The following SHISA6 variants were observed in gnomAD, a reference collection of about 807,000 sequenced individuals.
SHISA6 encodes shisa family member 6.
A neutral mutation model predicts 47.9 loss-of-function variants in SHISA6; 22 were observed. That is an observed-to-expected ratio of 0.46 (90% CI 0.33 to 0.66). The LOEUF (loss-of-function observed/expected upper bound fraction) is 0.66, where lower values mean the gene tolerates loss of function less well. Among genes scored for constraint, SHISA6 ranks in the 30% least tolerant of loss-of-function variants. The pLI is 0.02. For synonymous variants in SHISA6, 388 were observed against 337.8 expected (o/e 1.15, Z -1.63); for missense variants, 680 against 764.6 (o/e 0.89, Z 1.30).
chr17:11,459,521 C>T (rs559987386), intron 3 of SHISA6, among the ~76,000 whole-genome samples: 3 of 152,150 alleles, frequency 2.0e-5, no homozygotes, highest in Non-Finnish European at 4.4e-5. Context: ...AGGCACATGG[C>T]ACATGTACAG....
At chr17:11,397,753 CT>C (rs1913623396) in intron 3 of SHISA6, among the ~76,000 whole-genome samples, 1 of 151,116 alleles carries the variant, frequency 6.6e-6, no homozygotes, top group African/African-American at 2.4e-5. Context: ...GTTTAAAAGG[CT>C]TGAGAATTTT....
At chr17:11,447,103 C>T (rs1295511583) in intron 3 of SHISA6, among the ~76,000 whole-genome samples, 1 of 152,114 alleles carries the variant, frequency 6.6e-6, no homozygotes, top group African/African-American at 2.4e-5. Flanking sequence ...TTGCTTTTGC[C>T]TCAATAACAA....
Position 11,515,611 on chromosome 17 carries a change from T to C in SHISA6, c.896-36285T>C, listed in dbSNP as rs143628096. Among the ~76,000 whole-genome samples, 451 of 152,224 alleles carry C rather than the reference T, an allele frequency of 3.0e-3. 3 individuals carry two copies. The highest frequency in any genetic ancestry group is 4.7e-3 in the Non-Finnish European group (318 of 68,000). On this transcript the variant is annotated intron_variant, in intron 3 of 5. Transcript: ENST00000441885. ...TCCTGCGTGATCCTACGAAGAGCTCTGGGGCACAGAGTGTGTAGCAATGTT... is the reference window on the plus strand; with the variant it reads ...TCCTGCGTGATCCTACGAAGAGCTCCGGGGCACAGAGTGTGTAGCAATGTT...
chr17:11,442,590 G>A (rs1470450453), intron 3 of SHISA6, among the ~76,000 whole-genome samples: 3 of 152,218 alleles, frequency 2.0e-5, no homozygotes, highest in Non-Finnish European at 2.9e-5. Flanking sequence ...CTGTTGTGGG[G>A]ATTAAACAAA....
intron 1 of SHISA6, among the ~76,000 whole-genome samples, chr17:11,251,999 G>T (rs775985433): frequency 1.3e-5 from 2 of 152,184 alleles, no homozygotes; most frequent in African/African-American, 2.4e-5. Context: ...GCCTGAGGGT[G>T]TGTGAAAATG....
At chr17:11,297,847 A>G (rs992341388) in intron 2 of SHISA6, among the ~76,000 whole-genome samples, 1 of 152,190 alleles carries the variant, frequency 6.6e-6, no homozygotes, top group Non-Finnish European at 1.5e-5. Context: ...AGAAGGAGCA[A>G]TTAATTCCTT....
intron 3 of SHISA6, among the ~76,000 whole-genome samples, chr17:11,524,437 G>A (rs930494249): frequency 1.3e-5 from 2 of 151,884 alleles, no homozygotes; most frequent in Non-Finnish European, 2.9e-5. Context: ...TATCTAGGTA[G>A]TGGGCTTATA....
Position 11,287,551 on chromosome 17 carries a change from A to G in SHISA6, c.799+24025A>G, listed in dbSNP as rs1909353782. On this transcript the variant is annotated intron_variant, in intron 2 of 5. Coordinates refer to ENST00000441885, the MANE Select transcript of SHISA6 (RefSeq NM_207386.4). ...TTAGCAGAGCGGTGGTATGCACCTG[A>G]GGTCCCAGCTGTTGGGAGGCTGAGG... Among the ~76,000 whole-genome samples the G allele has an allele frequency of 2.7e-5, 4 of 150,816 alleles. No individual in the cohort carries two copies. In the South Asian group the frequency reaches 8.5e-4, roughly 32 times the overall value.
chr17:11,556,942 G>A (rs2071986444), intron 5 of SHISA6, among the ~76,000 whole-genome samples: 1 of 152,186 alleles, frequency 6.6e-6, no homozygotes, highest in South Asian at 2.1e-4. Context: ...TAGCATGCAA[G>A]TTCCAGGCAA....
At chr17:11,260,795 T>C (rs1488586297) in intron 1 of SHISA6, among the ~76,000 whole-genome samples, 1 of 151,954 alleles carries the variant, frequency 6.6e-6, no homozygotes, top group African/African-American at 2.4e-5. Flanking sequence ...CCACCTGTTT[T>C]CTCTCCTCTC....
intron 2 of SHISA6, among the ~76,000 whole-genome samples, chr17:11,325,276 A>G (rs905146288): frequency 1.3e-5 from 2 of 152,210 alleles, no homozygotes; most frequent in African/African-American, 2.4e-5. Flanking sequence ...GTTGAATGGC[A>G]CGAGCTCTAG....
At chr17:11,337,271 CT>C (rs1449851887) in intron 2 of SHISA6, among the ~76,000 whole-genome samples, 7 of 152,100 alleles carry the variant, frequency 4.6e-5, no homozygotes, top group Non-Finnish European at 1.0e-4. Context: ...CATGAATGAG[CT>C]GATTATCGCT....
At chr17:11,517,707 T>C (rs2071597176) in intron 3 of SHISA6, among the ~76,000 whole-genome samples, 1 of 152,102 alleles carries the variant, frequency 6.6e-6, no homozygotes, top group African/African-American at 2.4e-5. Context: ...TCTTGCTGTG[T>C]TGCCCAGGCT....
intron 2 of SHISA6, among the ~76,000 whole-genome samples, chr17:11,291,505 G>T (rs920745178): frequency 6.6e-6 from 1 of 151,926 alleles, no homozygotes; most frequent in Admixed American, 6.6e-5. Flanking sequence ...ATGGTGGCGG[G>T]CGCCTGTAGT....
At chr17:11,544,050 A>G (rs1028624770) in intron 3 of SHISA6, among the ~76,000 whole-genome samples, 1 of 151,614 alleles carries the variant, frequency 6.6e-6, no homozygotes, top group Non-Finnish European at 1.5e-5. Flanking sequence ...TAAGTCTCCT[A>G]CCTCATATAA....
intron 2 of SHISA6, among the ~76,000 whole-genome samples, chr17:11,353,843 T>A (rs1911984874): frequency 6.6e-6 from 1 of 152,180 alleles, no homozygotes; most frequent in Admixed American, 6.5e-5. Flanking sequence ...TTTACAGAAT[T>A]GTCCTGGGCG....
At chr17:11,265,389 A>C (rs1478226227) in intron 2 of SHISA6, among the ~76,000 whole-genome samples, 1 of 152,196 alleles carries the variant, frequency 6.6e-6, no homozygotes, top group African/African-American at 2.4e-5. Flanking sequence ...CCCCATCCCC[A>C]GAGACTGACT....
intron 3 of SHISA6, among the ~76,000 whole-genome samples, chr17:11,453,962 T>C (rs1432469432): frequency 6.6e-6 from 1 of 152,222 alleles, no homozygotes. Flanking sequence ...TACAAGCTTT[T>C]GTTTGGATGT....
intron 3 of SHISA6, among the ~76,000 whole-genome samples, chr17:11,395,224 A>G (rs916805003): frequency 6.6e-6 from 1 of 151,588 alleles, no homozygotes; most frequent in African/African-American, 2.4e-5. Flanking sequence ...CCAGTACATA[A>G]TCTAAAGTGT....
Sources: allele counts gnomAD v4.1 joint callset (sites outside exome capture counted in the v4.1 genomes callset), GRCh38; gene constraint gnomAD v4.1.1; transcripts MANE v1.5; gene names NCBI Gene and HGNC (gene_info 2026-07-23, HGNC 2026-07-21).